PCDHA1: variants seen among roughly 807,000 people sequenced by gnomAD.
PCDHA1 encodes protocadherin alpha 1.
PCDHA1 carries 42 observed loss-of-function variants against 61.3 expected under a neutral mutation model. That is an observed-to-expected ratio of 0.69 (90% CI 0.54 to 0.89). PCDHA1 has a LOEUF of 0.89. Ranked by LOEUF, PCDHA1 falls within the 40% of genes least tolerant of loss-of-function variation. The pLI is 0.00. For synonymous variants in PCDHA1, 610 were observed against 553.8 expected, an observed-to-expected ratio of 1.10 and a Z score of -1.43; for missense variants, 1,256 against 1,235.3, an observed-to-expected ratio of 1.02 and a Z score of -0.25.
chr5:140,994,892 G>A (rs1554254386), intron 3 of PCDHA1, among the ~76,000 whole-genome samples: 2 of 152,192 alleles, frequency 1.3e-5, no homozygotes, highest in Non-Finnish European at 2.9e-5. Flanking sequence ...TAGGAAATGA[G>A]ATCAGAAATG....
intron 1 of PCDHA1, among the ~76,000 whole-genome samples, chr5:140,903,212 A>C (rs1387552422): frequency 6.6e-6 from 1 of 152,192 alleles, no homozygotes; most frequent in African/African-American, 2.4e-5. Flanking sequence ...CACCACATTC[A>C]TGCCAACATC....
chr5:140,967,112 C>T (rs1338076103), intron 1 of PCDHA1: 4 of 1,612,876 alleles, frequency 2.5e-6, no homozygotes, highest in East Asian at 2.2e-5. Flanking sequence ...GCAGCGGCCT[C>T]GCTGCCTGCT....
chr5:140,800,916 T>A, intron 1 of PCDHA1: 1 of 612,090 alleles, frequency 1.6e-6, no homozygotes, highest in Non-Finnish European at 2.4e-6. Flanking sequence ...GATATTACAA[T>A]TGAAACTAGA....
At chr5:140,944,385 C>T (rs1273075803) in intron 1 of PCDHA1, among the ~76,000 whole-genome samples, 4 of 152,092 alleles carry the variant, frequency 2.6e-5, no homozygotes, top group Non-Finnish European at 5.9e-5. Flanking sequence ...TGGAGTCTCA[C>T]TGTGTTATCC....
Position 140,845,229 on chromosome 5 carries a change from T to A in PCDHA1, c.2394+56545T>A, listed in dbSNP as rs189699970. Among the ~76,000 whole-genome samples, 147 of 149,698 alleles carry A rather than the reference T, an allele frequency of 9.8e-4. 9 individuals are homozygous for A. The highest frequency in any genetic ancestry group is 3.4e-3 in the African/African-American group (141 of 40,992). ...TAAGTCCTTTTAAAAAATATGATTA[T>A]CTTTATTATCCTGTTTGAATAATAT... On this transcript the variant is annotated intron_variant, in intron 1 of 3. Coordinates refer to ENST00000504120, the MANE Select transcript of PCDHA1 (RefSeq NM_018900.4).
At chr5:140,940,017 T>C (rs1418030283) in intron 1 of PCDHA1, among the ~76,000 whole-genome samples, 1 of 152,234 alleles carries the variant, frequency 6.6e-6, no homozygotes, top group Non-Finnish European at 1.5e-5. Flanking sequence ...TTTTGTGTCA[T>C]ATGTTTTAAG....
chr5:140,904,397 T>G (rs2071090298), intron 1 of PCDHA1, among the ~76,000 whole-genome samples: 1 of 151,416 alleles, frequency 6.6e-6, no homozygotes, highest in East Asian at 1.9e-4. Flanking sequence ...TATTCCATGG[T>G]GTATTATATA....
At chr5:140,939,317 A>T (rs2092365663) in intron 1 of PCDHA1, among the ~76,000 whole-genome samples, 1 of 152,148 alleles carries the variant, frequency 6.6e-6, no homozygotes, top group Admixed American at 6.5e-5. Flanking sequence ...CTACCTCCTA[A>T]TATCATAATC....
Position 140,842,124 on chromosome 5 carries a change from A to T in PCDHA1, c.2394+53440A>T, listed in dbSNP as rs2150329759. The T allele has an allele frequency of 4.0e-5, 65 of 1,613,768 alleles. 1 individual carries two copies. The highest frequency in any genetic ancestry group is 2.8e-4 in the Admixed American group (17 of 59,988). The stretch of plus-strand genomic sequence containing the variant: ...ACAGTTATCAAACTGAATGCTTCTG[A>T]TCCGGATGAAGGAGCCAATGGGGCA... On this transcript the variant is annotated intron_variant, in intron 1 of 3. Coordinates refer to ENST00000504120, the MANE Select transcript of PCDHA1 (RefSeq NM_018900.4).
chr5:140,870,581 T>C, intron 1 of PCDHA1: 1 of 1,613,826 alleles, frequency 6.2e-7, no homozygotes, highest in Non-Finnish European at 8.5e-7. Context: ...TCCTACTCGC[T>C]GGTGGAGCGG....
In PCDHA1 at chr5:140,787,691, C is replaced by A; in HGVS notation, c.1401C>A (p.Asn467Lys). 3.7e-6 allele frequency: 6 copies of A among 1,613,942 alleles called. No individual in the cohort carries two copies. The highest frequency in any genetic ancestry group is 5.1e-6 in the Non-Finnish European group (6 of 1,179,944). Residue 467 changes from asparagine to lysine, a missense_variant, in exon 1 of 4, where the codon AAC becomes AAA. Asn to Lys is a moderately conservative substitution (Grantham distance 94, BLOSUM62 0). Coordinates refer to ENST00000504120, the MANE Select transcript of PCDHA1 (RefSeq NM_018900.4). ...QPEYTVFVKE[N>K]NPPGCHIFTV... ...AGTACACAGTATTCGTGAAGGAGAACAACCCGCCGGGCTGCCACATCTTCA... is the reference window on the plus strand; with the variant it reads ...AGTACACAGTATTCGTGAAGGAGAAAAACCCGCCGGGCTGCCACATCTTCA...
At chr5:140,829,444 T>G (rs1554131961) in intron 1 of PCDHA1, 1 of 1,613,940 alleles carries the variant, frequency 6.2e-7, no homozygotes, top group Non-Finnish European at 8.5e-7. Context: ...TGAATGACAA[T>G]GCTCCGGCGT....
intron 1 of PCDHA1, among the ~76,000 whole-genome samples, chr5:140,962,850 G>T (rs2095713419): frequency 6.6e-6 from 1 of 152,104 alleles, no homozygotes; most frequent in African/African-American, 2.4e-5. Flanking sequence ...TATAACTTGT[G>T]CTCGGTTTGT....
At chr5:140,822,657 TA>T (rs2150118290) in intron 1 of PCDHA1, 18 of 1,608,594 alleles carry the variant, frequency 1.1e-5, no homozygotes, top group Non-Finnish European at 1.4e-5. Context: ...AATTTATAAT[TA>T]ATTCTAATAC....
intron 1 of PCDHA1, chr5:140,875,971 C>A (rs17844352): frequency 1.1e-5 from 17 of 1,614,030 alleles, no homozygotes; most frequent in Non-Finnish European, 1.4e-5. Flanking sequence ...CGTAAACTCT[C>A]TTTTGACCTA....
At chr5:140,877,725 G>A (rs570815670) in intron 1 of PCDHA1, 1 of 1,614,124 alleles carries the variant, frequency 6.2e-7, no homozygotes, top group Non-Finnish European at 8.5e-7. Flanking sequence ...GGTCTTACTC[G>A]CAGCAGAGGA....
At chr5:140,968,835 A>C in intron 1 of PCDHA1, 2 of 1,614,194 alleles carry the variant, frequency 1.2e-6, no homozygotes, top group Non-Finnish European at 1.7e-6. Flanking sequence ...ATCCTCCCTG[A>C]CACTCAGAGG....
At chr5:140,804,812 C>T (rs1763464693) in intron 1 of PCDHA1, 2 of 318,880 alleles carry the variant, frequency 6.3e-6, no homozygotes, top group Non-Finnish European at 5.7e-6. Flanking sequence ...TAGTAACCAA[C>T]TGAAACCTGG....
chr5:140,900,907 T>C (rs1156878452), intron 1 of PCDHA1, among the ~76,000 whole-genome samples: 1 of 152,190 alleles, frequency 6.6e-6, no homozygotes, highest in African/African-American at 2.4e-5. Context: ...ATTTTAACTG[T>C]GGTAAGATGA....
Sources: gnomAD v4.1 joint callset for allele counts (sites outside exome capture counted in the v4.1 genomes callset) on GRCh38, gnomAD v4.1.1 for gene constraint, MANE v1.5 for transcripts, NCBI Gene and HGNC (gene_info 2026-07-23, HGNC 2026-07-21) for gene names.